The following HUWE1 variants were observed in gnomAD, a reference collection of about 807,000 sequenced individuals.
HUWE1 encodes E3 ubiquitin-protein ligase HUWE1.
HUWE1 carries 18 observed loss-of-function variants against 299.4 expected under a neutral mutation model. The observed-to-expected ratio is 0.06, with a 90% CI of 0.04 to 0.09. HUWE1 has a LOEUF of 0.09. HUWE1 is among the 10% of genes least tolerant of loss of function. HUWE1 has a pLI of 1.00. For synonymous variants in HUWE1, 1,317 were observed against 1,286.1 expected (o/e 1.02, Z -0.51); for missense variants, 1,832 against 3,462.3 (o/e 0.53, Z 11.82).
At chrX:53,597,409 G>T (rs1165692379) in intron 29 of HUWE1, among the ~76,000 whole-genome samples, 1 of 102,754 alleles carries the variant, frequency 9.7e-6, no homozygotes, top group Non-Finnish European at 2.0e-5. Flanking sequence ...GGCAGGAAGG[G>T]ACAGACTCAC....
intron 7 of HUWE1, among the ~76,000 whole-genome samples, chrX:53,637,280 G>A (rs1380995286): frequency 8.9e-6 from 1 of 112,261 alleles, no homozygotes; most frequent in Non-Finnish European, 1.9e-5. Context: ...AATTACTATA[G>A]CTTTATAAAA....
In HUWE1 at chrX:53,548,055, C is replaced by T. The variant is rs782770613; in HGVS notation, c.10254G>A (p.Glu3418=). 5.0e-6 allele frequency: 6 copies of T among 1,208,272 alleles called. No homozygotes were observed. The African/African-American group carries it at 8.8e-5, about 18-fold the overall frequency. Residue 3418 remains glutamate (E), a synonymous_variant, in exon 68 of 84, where the codon GAG becomes GAA. Coordinates refer to ENST00000262854, the MANE Select transcript of HUWE1 (RefSeq NM_031407.7). The part of the protein sequence containing the change: ...VKSVPVSAGG[E]GETSPYSLEA... The stretch of plus-strand genomic sequence containing the variant: ...CGAGGCTGTATGGAGAGGTTTCCCC[C>T]TCACCGCCAGCGCTCACTGGCACTG...
At chrX:53,535,598 G>A (rs1235973697) in intron 80 of HUWE1, 97 bp from the exon 81 acceptor site, 3 of 587,267 alleles carry the variant, frequency 5.1e-6, no homozygotes, top group Non-Finnish European at 8.8e-6. Context: ...CATGTCCTAG[G>A]CAGAGAGATG....
At chrX:53,572,308 A>AG (rs1292972425) in intron 47 of HUWE1, among the ~76,000 whole-genome samples, 1 of 111,975 alleles carries the variant, frequency 8.9e-6, no homozygotes, top group Non-Finnish European at 1.9e-5. Flanking sequence ...GAGATGCACT[A>AG]AAGAACAAGG....
At chrX:53,614,504 G>A (rs782525643) in intron 23 of HUWE1, 30 bp downstream of exon 23, 1 of 1,071,500 alleles carries the variant, frequency 9.3e-7, no homozygotes, top group African/African-American at 1.8e-5. Flanking sequence ...ACGATTATAT[G>A]GCTAGATGAT....
At chrX:53,552,179 C>T (rs1170817271) in intron 63 of HUWE1, 132 bp downstream of exon 63, 26 of 726,933 alleles carry the variant, frequency 3.6e-5, no homozygotes, top group Non-Finnish European at 2.9e-5. Flanking sequence ...CCAGCACCCC[C>T]GCTTATTGTC....
At chrX:53,652,552 T>C (rs972375511) in intron 4 of HUWE1, among the ~76,000 whole-genome samples, 2 of 112,156 alleles carry the variant, frequency 1.8e-5, no homozygotes, top group African/African-American at 6.5e-5. Flanking sequence ...TTATAGTTTC[T>C]TAAGCAAGTT....
intron 21 of HUWE1, 129 bp from the exon 22 acceptor site, chrX:53,615,964 A>C (rs1038355517): frequency 3.9e-6 from 2 of 509,895 alleles, no homozygotes; most frequent in Non-Finnish European, 6.8e-6. Flanking sequence ...TCCTTTAAAG[A>C]CTTTATGTCA....
intron 82 of HUWE1, 65 bp downstream of exon 82, chrX:53,534,451 T>C: frequency 1.0e-6 from 1 of 992,541 alleles, no homozygotes; most frequent in Non-Finnish European, 1.4e-6. Context: ...TTATTTGGTA[T>C]CACACAAACT....
chrX:53,549,205 G>A lies in HUWE1; in HGVS notation c.9789C>T (p.Ser3263=), dbSNP rs1366554594. Reference sequence around the variant, plus strand: ...GCAGGTCCAGGGGACGGTTCTCATGGCTACTTGACCCACAGCTCTTGCTCG... The same window carrying A: ...GCAGGTCCAGGGGACGGTTCTCATGACTACTTGACCCACAGCTCTTGCTCG... ...KKSSKSCGSS[S]HENRPLDLLH... Residue 3263 remains serine (S), a synonymous_variant, in exon 67 of 84, where the codon AGC becomes AGT. Coordinates refer to ENST00000262854, the MANE Select transcript of HUWE1 (RefSeq NM_031407.7). 8.3e-7 allele frequency: 1 copy of A among 1,210,563 alleles called. No individual in the cohort carries two copies. The highest frequency in any genetic ancestry group is 1.1e-6 in the Non-Finnish European group (1 of 895,353).
Position 53,534,529 on chromosome X carries a change from G to T in HUWE1, c.12818C>A (p.Ser4273Tyr). ...KSNTEYHKYQSNSIQIQWFWR... is the reference protein window; with the variant it reads ...KSNTEYHKYQYNSIQIQWFWR... ...GCAGCAGCTCACCTGAATAGAGTTG[G>T]ACTGGTACTTGTGGTATTCAGTGTT... is the stretch of plus-strand genomic sequence containing the variant. Residue 4273 changes from serine to tyrosine, a missense_variant, in exon 82 of 84, where the codon TCC becomes TAC. By Grantham distance (144) the Ser-to-Tyr change is moderately radical. Transcript: ENST00000262854. 1 of 1,208,460 alleles carries T rather than the reference G, an allele frequency of 8.3e-7. No homozygotes were observed. The highest frequency in any genetic ancestry group is 1.8e-5 in the South Asian group (1 of 56,622).
At chrX:53,590,905 T>C (rs1161583950) in intron 34 of HUWE1, 95 bp downstream of exon 34, 10 of 1,043,147 alleles carry the variant, frequency 9.6e-6, no homozygotes, top group Non-Finnish European at 1.3e-5. Flanking sequence ...AAGCAGTTTA[T>C]AGAAAGGAAG....
intron 25 of HUWE1, among the ~76,000 whole-genome samples, chrX:53,605,423 T>C (rs1168699379): frequency 7.1e-5 from 8 of 112,176 alleles, no homozygotes; most frequent in Non-Finnish European, 1.3e-4. Flanking sequence ...CCACAGCATC[T>C]TATAGGATAT....
At chrX:53,648,185 G>A (rs1314801226) in intron 5 of HUWE1, 27 bp downstream of exon 5, 2 of 1,003,710 alleles carry the variant, frequency 2.0e-6, no homozygotes, top group East Asian at 6.1e-5. Flanking sequence ...GGTGAGTCCT[G>A]TCTTTTGGGA....
intron 22 of HUWE1, 51 bp from the exon 23 acceptor site, chrX:53,614,796 G>T: frequency 1.2e-6 from 1 of 867,977 alleles, no homozygotes; most frequent in Non-Finnish European, 1.7e-6. Context: ...GGAATGGGGA[G>T]GAGGAGACAG....
Position 53,546,569 on chromosome X carries a change from A to C in HUWE1, c.10782T>G (p.Ser3594=), listed in dbSNP as rs782049121. The C allele has an allele frequency of 2.4e-5, 29 of 1,208,405 alleles. No individual in the cohort carries two copies. Among genetic ancestry groups the C allele is most frequent in the Non-Finnish European group, 1.9e-5 (17 of 894,403 alleles). ...SVEVLTSHSC[S]EEGLEDAANV... ...TGGCTGCATCCTCTAAGCCTTCCTCAGAACAAGAGTGGGATGTCAACACCT... is the reference window on the plus strand; with the variant it reads ...TGGCTGCATCCTCTAAGCCTTCCTCCGAACAAGAGTGGGATGTCAACACCT... Residue 3594 remains serine, a synonymous_variant, in exon 70 of 84, where the codon TCT becomes TCG. Coordinates refer to ENST00000262854, the MANE Select transcript of HUWE1 (RefSeq NM_031407.7).
rs782533017 is a variant in HUWE1, at chrX:53,580,821, C to T, written c.5716+10G>A. 14 of 1,208,666 alleles carry T rather than the reference C, an allele frequency of 1.2e-5. No individual in the cohort carries two copies. The East Asian group carries it at 1.2e-4, about 10-fold the overall frequency. On this transcript the variant is annotated intron_variant, in intron 43 of 83. Coordinates refer to ENST00000262854, the MANE Select transcript of HUWE1 (RefSeq NM_031407.7). ...CTTAATATCAAAGGCCAGGAGCAAG[C>T]GAAACTTACCAGTTCCTGAGCCTCG...
At chrX:53,665,622 A>G (rs781812324) in intron 3 of HUWE1, among the ~76,000 whole-genome samples, 3 of 112,491 alleles carry the variant, frequency 2.7e-5, no homozygotes, top group Non-Finnish European at 3.7e-5. Context: ...AACTGGCATC[A>G]GAAGAACTAG....
intron 45 of HUWE1, 56 bp downstream of exon 45, chrX:53,575,587 C>T (rs2063064365): frequency 4.5e-6 from 5 of 1,112,476 alleles, no homozygotes; most frequent in Non-Finnish European, 6.2e-6. Flanking sequence ...AATACTGAGA[C>T]CACACAGGCA....
Sources: allele counts gnomAD v4.1 joint callset (sites outside exome capture counted in the v4.1 genomes callset), GRCh38; gene constraint gnomAD v4.1.1; transcripts MANE v1.5; gene names NCBI Gene and HGNC (gene_info 2026-07-23, HGNC 2026-07-21).